The following ZNF277 variants were observed in gnomAD, a reference collection of about 807,000 sequenced individuals.
ZNF277 encodes the protein zinc finger protein 277.
Under a neutral mutation model 60.7 loss-of-function variants are expected in ZNF277, and 55 were observed. The observed-to-expected ratio is 0.91, with a 90% CI of 0.73 to 1.13. The LOEUF is 1.13. Among genes scored for constraint, ZNF277 ranks in the 50% most tolerant of loss-of-function variants. The pLI is 0.00. For missense variants in ZNF277, 510 were observed against 523.0 expected (o/e 0.98, Z 0.24); for synonymous variants, 178 against 179.3 (o/e 0.99, Z 0.06).
chr7:112,310,272 G>A (rs894817816), intron 4 of ZNF277, among the ~76,000 whole-genome samples: 1 of 151,914 alleles, frequency 6.6e-6, no homozygotes, highest in African/African-American at 2.4e-5. Context: ...TGTGGTCAAA[G>A]GGCCCACCAT....
At chr7:112,273,261 G>A (rs1240336569) in intron 1 of ZNF277, among the ~76,000 whole-genome samples, 3 of 152,132 alleles carry the variant, frequency 2.0e-5, no homozygotes, top group Non-Finnish European at 4.4e-5. Flanking sequence ...CTCTGACTAG[G>A]GATGGTCTAA....
intron 1 of ZNF277, among the ~76,000 whole-genome samples, chr7:112,218,913 T>C (rs1237500754): frequency 6.6e-6 from 1 of 152,242 alleles, no homozygotes; most frequent in East Asian, 1.9e-4. Context: ...TTGTGAATAA[T>C]GCTGCAATGA....
At chr7:112,223,163 G>A (rs1822079227) in intron 1 of ZNF277, among the ~76,000 whole-genome samples, 1 of 152,128 alleles carries the variant, frequency 6.6e-6, no homozygotes, top group Non-Finnish European at 1.5e-5. Context: ...CCTGACTAAC[G>A]TAGCATGTCT....
chr7:112,296,145 T>C, intron 3 of ZNF277, 84 bp from the exon 4 acceptor site: 2 of 1,067,964 alleles, frequency 1.9e-6, no homozygotes, highest in East Asian at 2.4e-5. Context: ...GACACACACA[T>C]CTGTATTTTT....
intron 4 of ZNF277, among the ~76,000 whole-genome samples, chr7:112,305,092 C>G (rs1253024439): frequency 2.0e-5 from 3 of 152,086 alleles, no homozygotes; most frequent in African/African-American, 7.2e-5. Flanking sequence ...TTGGAATGCT[C>G]TTCTCTAGAA....
chr7:112,275,567 C>A (rs751962353), intron 1 of ZNF277, among the ~76,000 whole-genome samples: 1 of 152,012 alleles, frequency 6.6e-6, no homozygotes, highest in Non-Finnish European at 1.5e-5. Flanking sequence ...TTTTTTAACA[C>A]CAGAAATCTT....
At chr7:112,276,584 C>T (rs1378957828) in intron 1 of ZNF277, among the ~76,000 whole-genome samples, 2 of 152,124 alleles carry the variant, frequency 1.3e-5, no homozygotes, top group Non-Finnish European at 2.9e-5. Context: ...TAATCTAGCC[C>T]TATTAGAGAC....
chr7:112,263,004 A>C (rs935361281), intron 1 of ZNF277, among the ~76,000 whole-genome samples: 1 of 152,196 alleles, frequency 6.6e-6, no homozygotes, highest in Non-Finnish European at 1.5e-5. Flanking sequence ...TATGAGCTAT[A>C]ATGAGCTTGG....
intron 10 of ZNF277, 45 bp downstream of exon 10, chr7:112,339,930 A>G: frequency 6.4e-7 from 1 of 1,570,030 alleles, no homozygotes; most frequent in Non-Finnish European, 8.7e-7. Flanking sequence ...TTCATTTTTT[A>G]TAAACCATCC....
intron 4 of ZNF277, among the ~76,000 whole-genome samples, chr7:112,302,780 T>C (rs1198811149): frequency 6.6e-6 from 1 of 151,956 alleles, no homozygotes; most frequent in African/African-American, 2.4e-5. Flanking sequence ...TAACAGGAAA[T>C]GCAAGGTCAA....
At chr7:112,326,052 C>T (rs564120074) in intron 5 of ZNF277, among the ~76,000 whole-genome samples, 47 of 152,266 alleles carry the variant, frequency 3.1e-4, no homozygotes, top group South Asian at 4.1e-4. Flanking sequence ...TCTTGAGCCC[C>T]AGAGAGGTTG....
In ZNF277 at chr7:112,209,956, T is replaced by C. The variant is rs141308020; in HGVS notation, c.91+3149T>C. 3.6e-3 allele frequency among the ~76,000 whole-genome samples: 546 copies of C among 152,052 alleles called. 1 individual carries two copies. The highest frequency in any genetic ancestry group is 6.2e-3 in the Admixed American group (95 of 15,268). ...GGTGGAAATTGAACAATGAGAACAC[T>C]TGGACACAGGGCAGGGAACATCACA... On this transcript the variant is annotated intron_variant, in intron 1 of 11. Coordinates refer to ENST00000361822, the MANE Select transcript of ZNF277 (RefSeq NM_021994.3).
intron 1 of ZNF277, among the ~76,000 whole-genome samples, chr7:112,228,257 T>C (rs1170267376): frequency 6.6e-6 from 1 of 152,070 alleles, no homozygotes; most frequent in African/African-American, 2.4e-5. Flanking sequence ...AGATCCTTAC[T>C]TTAGTTACAT....
intron 1 of ZNF277, among the ~76,000 whole-genome samples, chr7:112,252,429 G>A (rs989875857): frequency 1.8e-4 from 28 of 152,152 alleles, no homozygotes; most frequent in African/African-American, 6.8e-4. Flanking sequence ...TGCGGTACAA[G>A]GGTAGAGCTG....
At position 112,220,309 on chromosome 7, in the gene ZNF277, G is replaced by A. The variant is rs1387039277; in HGVS notation, c.91+13502G>A. The stretch of plus-strand genomic sequence containing the variant: ...AAGTATTTTTTTTTTTGGCAAGATT[G>A]TAAATGGTATTTCTTTTTTAATTCG... On this transcript the variant is annotated intron_variant, in intron 1 of 11. Coordinates refer to ENST00000361822, the MANE Select transcript of ZNF277 (RefSeq NM_021994.3). Among the ~76,000 whole-genome samples the A allele has an allele frequency of 3.4e-5, 5 of 145,358 alleles. No homozygotes were observed. The East Asian group carries it at 1.0e-3, about 29-fold the overall frequency.
chr7:112,302,091 G>T (rs1275980905), intron 4 of ZNF277, among the ~76,000 whole-genome samples: 12 of 152,062 alleles, frequency 7.9e-5, no homozygotes, highest in Admixed American at 7.9e-4. Context: ...AGAAGGAAAG[G>T]CCTAACTGTA....
At chr7:112,240,469 A>T (rs1212984779) in intron 1 of ZNF277, among the ~76,000 whole-genome samples, 1 of 152,212 alleles carries the variant, frequency 6.6e-6, no homozygotes, top group Non-Finnish European at 1.5e-5. Flanking sequence ...GGTGTTGGAT[A>T]TCCCATTTGC....
At chr7:112,336,899 T>A (rs1793345651) in intron 8 of ZNF277, among the ~76,000 whole-genome samples, 1 of 152,180 alleles carries the variant, frequency 6.6e-6, no homozygotes, top group Non-Finnish European at 1.5e-5. Flanking sequence ...AGGTTATAAA[T>A]AGTAAGTCAT....
chr7:112,254,707 G>T (rs1396535542), intron 1 of ZNF277, among the ~76,000 whole-genome samples: 1 of 152,184 alleles, frequency 6.6e-6, no homozygotes, highest in African/African-American at 2.4e-5. Context: ...GGTGGCTCAT[G>T]GCTGTAATCA....
Sources: allele counts gnomAD v4.1 joint callset (sites outside exome capture counted in the v4.1 genomes callset), GRCh38; gene constraint gnomAD v4.1.1; transcripts MANE v1.5; gene names NCBI Gene and HGNC (gene_info 2026-07-23, HGNC 2026-07-21).